The following GALNT1 variants were observed in gnomAD, a reference collection of about 807,000 sequenced individuals.
GALNT1 encodes the protein polypeptide N-acetylgalactosaminyltransferase 1.
GALNT1 carries 17 observed loss-of-function variants against 65.7 expected under a neutral mutation model. The observed-to-expected ratio is 0.26, with a 90% CI of 0.18 to 0.39. The LOEUF is 0.39. Among genes scored for constraint, GALNT1 ranks in the 10% least tolerant of loss-of-function variants. The pLI is 1.00. For missense variants in GALNT1, 460 were observed against 672.8 expected, an observed-to-expected ratio of 0.68 and a Z score of 3.50; for synonymous variants, 210 against 219.7, an observed-to-expected ratio of 0.96 and a Z score of 0.39.
At chr18:35,587,125 C>T (rs547338488) in intron 1 of GALNT1, among the ~76,000 whole-genome samples, 66 of 152,098 alleles carry the variant, frequency 4.3e-4, no homozygotes, top group Middle Eastern at 3.4e-3. Context: ...GTAATTGTAA[C>T]GGTATTTTTA....
intron 11 of GALNT1, among the ~76,000 whole-genome samples, chr18:35,708,130 T>C (rs1476820665): frequency 6.6e-6 from 1 of 152,132 alleles, no homozygotes; most frequent in Non-Finnish European, 1.5e-5. Context: ...CTCAAAGAGT[T>C]TAGGTTTTTG....
chr18:35,628,770 A>G (rs142495157), intron 1 of GALNT1, among the ~76,000 whole-genome samples: 1,681 of 152,332 alleles, frequency 0.011, 29 homozygotes, highest in African/African-American at 0.037. Context: ...AACTTCTCCG[A>G]GCTAAAGGAG....
intron 1 of GALNT1, among the ~76,000 whole-genome samples, chr18:35,622,640 T>A (rs1211344731): frequency 1.3e-5 from 2 of 152,244 alleles, no homozygotes; most frequent in Non-Finnish European, 2.9e-5. Flanking sequence ...TGAAAGTTCT[T>A]GTTCTAATTG....
intron 1 of GALNT1, among the ~76,000 whole-genome samples, chr18:35,637,466 C>T (rs1194484295): frequency 1.3e-5 from 2 of 152,210 alleles, no homozygotes; most frequent in African/African-American, 2.4e-5. Context: ...CCAACCACAA[C>T]GTTCCCTTAA....
chr18:35,592,223 C>G (rs773041803), intron 1 of GALNT1, among the ~76,000 whole-genome samples: 1 of 152,156 alleles, frequency 6.6e-6, no homozygotes, highest in South Asian at 2.1e-4. Flanking sequence ...TATTGAGTAT[C>G]TGTTTGTGCC....
chr18:35,582,540 A>C (rs1401759813), intron 1 of GALNT1, among the ~76,000 whole-genome samples: 1 of 152,186 alleles, frequency 6.6e-6, no homozygotes, highest in African/African-American at 2.4e-5. Context: ...CCTTGTCCTC[A>C]TTCTCAAAGC....
chr18:35,616,536 A>G (rs184143000), intron 1 of GALNT1, among the ~76,000 whole-genome samples: 1 of 152,160 alleles, frequency 6.6e-6, no homozygotes, highest in African/African-American at 2.4e-5. Context: ...TCTGACCTGC[A>G]TTGCATATGG....
At chr18:35,630,943 A>G (rs1031909870) in intron 1 of GALNT1, among the ~76,000 whole-genome samples, 5 of 152,244 alleles carry the variant, frequency 3.3e-5, no homozygotes, top group African/African-American at 9.6e-5. Context: ...CAAATAAACT[A>G]GAAAATCTAG....
rs1326959423 is a variant in GALNT1 at position 35,621,145 on chromosome 18, A to AT, written c.-103-33410dup. 1.2e-4 allele frequency among the ~76,000 whole-genome samples: 18 copies of AT among 148,068 alleles called. No individual in the cohort carries two copies. In the East Asian group the frequency reaches 3.1e-3, roughly 26 times the overall value. On this transcript the variant is annotated intron_variant, in intron 1 of 11. Coordinates refer to ENST00000269195, the MANE Select transcript of GALNT1 (RefSeq NM_020474.4). ...GATTTGCCCGTTCATATCTTTGGCC[A>AT]TTTTTCAATTGTGTGTGTTTTTGTT... is the stretch of plus-strand genomic sequence containing the variant.
chr18:35,666,525 T>A (rs753136738), intron 3 of GALNT1, among the ~76,000 whole-genome samples: 25 of 152,238 alleles, frequency 1.6e-4, no homozygotes, highest in Non-Finnish European at 3.1e-4. Flanking sequence ...CAACTATTAT[T>A]GTTTCTGGTA....
At position 35,654,651 on chromosome 18, in the gene GALNT1, A is replaced by C. The variant is rs1341643760; in HGVS notation, c.-12A>C. On this transcript the variant is annotated 5_prime_UTR_variant, in exon 2 of 12. An upstream open reading frame in the 5' UTR loses its in-frame stop. Coordinates refer to ENST00000269195, the MANE Select transcript of GALNT1 (RefSeq NM_020474.4). Reference sequence around the variant, plus strand: ...TATATATTTTTAAATTTTGCATTTGACTTAAAGTGCCATGAGAAAATTTGC... The same window carrying C: ...TATATATTTTTAAATTTTGCATTTGCCTTAAAGTGCCATGAGAAAATTTGC... 7.3e-7 allele frequency: 1 copy of C among 1,367,170 alleles called. No homozygotes were observed. The highest frequency in any genetic ancestry group is 9.5e-7 in the Non-Finnish European group (1 of 1,053,862). The allele number at this position is 1,367,170 out of a possible 1,614,324, so 84.7% of individuals were successfully genotyped here.
chr18:35,595,242 T>G (rs1490446063), intron 1 of GALNT1, among the ~76,000 whole-genome samples: 2 of 151,942 alleles, frequency 1.3e-5, no homozygotes, highest in East Asian at 3.9e-4. Flanking sequence ...CATAATGAAA[T>G]GATATATGAA....
chr18:35,612,877 A>T (rs915177496), intron 1 of GALNT1, among the ~76,000 whole-genome samples: 1 of 150,594 alleles, frequency 6.6e-6, no homozygotes, highest in Non-Finnish European at 1.5e-5. Flanking sequence ...AAAAAAAAAA[A>T]ATCCGTAGGC....
At chr18:35,675,077 C>T (rs2047691695) in intron 3 of GALNT1, among the ~76,000 whole-genome samples, 1 of 145,616 alleles carries the variant, frequency 6.9e-6, no homozygotes, top group African/African-American at 2.5e-5. Context: ...GCTTCCTGAA[C>T]ATGGCCTGTG....
chr18:35,590,297 T>C (rs1376318970), intron 1 of GALNT1, among the ~76,000 whole-genome samples: 3 of 152,342 alleles, frequency 2.0e-5, no homozygotes, highest in Non-Finnish European at 2.9e-5. Flanking sequence ...TAAATTCTTA[T>C]AAATCGTTAT....
intron 1 of GALNT1, among the ~76,000 whole-genome samples, chr18:35,636,429 A>G (rs988642238): frequency 6.6e-6 from 1 of 152,090 alleles, no homozygotes; most frequent in African/African-American, 2.4e-5. Flanking sequence ...CAGAAACAAA[A>G]CAACTGTAGA....
intron 2 of GALNT1, among the ~76,000 whole-genome samples, chr18:35,659,059 AAAAC>A (rs1461218044): frequency 1.3e-5 from 2 of 152,152 alleles, no homozygotes; most frequent in Non-Finnish European, 2.9e-5. Flanking sequence ...TCTTTGTTTT[AAAAC>A]AAACAACCAA....
Position 35,701,863 on chromosome 18 carries a change from T to C in GALNT1, c.1300-1034T>C, listed in dbSNP as rs573246498. ...TTTTGGTGGAATAGCAAGATGGATG[T>C]GACTAGTGATAAAGTGACAGTGCAG... On this transcript the variant is annotated intron_variant, in intron 9 of 11. Coordinates refer to ENST00000269195, the MANE Select transcript of GALNT1 (RefSeq NM_020474.4). Among the ~76,000 whole-genome samples, 131 of 152,322 alleles carry C rather than the reference T, an allele frequency of 8.6e-4. 1 individual carries two copies. The highest frequency in any genetic ancestry group is 3.0e-3 in the African/African-American group (124 of 41,568).
chr18:35,654,877 A>C, intron 2 of GALNT1, 76 bp downstream of exon 2: 1 of 1,238,214 alleles, frequency 8.1e-7, no homozygotes, highest in Non-Finnish European at 1.1e-6. Flanking sequence ...GATAATATAA[A>C]ATTTTAACTT....
Sources: gnomAD v4.1 joint callset for allele counts (sites outside exome capture counted in the v4.1 genomes callset) on GRCh38, gnomAD v4.1.1 for gene constraint, MANE v1.5 for transcripts, NCBI Gene and HGNC (gene_info 2026-07-23, HGNC 2026-07-21) for gene names.